The following ULK4 variants were observed in gnomAD, a reference collection of about 807,000 sequenced individuals.
ULK4 encodes unc-51 like kinase 4, also known as inactive serine/threonine-protein kinase ULK4.
In ULK4, 133 loss-of-function variants were observed where a neutral mutation model predicts 160.6. That is an observed-to-expected ratio of 0.83 (90% confidence interval 0.72 to 0.96). ULK4 has a LOEUF of 0.96. ULK4 is among the 40% of genes least tolerant of loss of function. The pLI, the probability that ULK4 is intolerant of heterozygous loss-of-function variation, is 0.00. For synonymous variants in ULK4, 534 were observed against 539.8 expected (o/e 0.99, Z 0.15); for missense variants, 1,580 against 1,499.5 (o/e 1.05, Z -0.89).
At chr3:41,469,065 C>T (rs1559625238) in intron 32 of ULK4, among the ~76,000 whole-genome samples, 1 of 152,172 alleles carries the variant, frequency 6.6e-6, no homozygotes, top group Non-Finnish European at 1.5e-5. Context: ...TAAATCTCTA[C>T]ACAGTCAGCC....
chr3:41,473,050 A>G (rs369883311), intron 32 of ULK4, among the ~76,000 whole-genome samples: 118 of 152,330 alleles, frequency 7.7e-4, no homozygotes, highest in African/African-American at 2.8e-3. Flanking sequence ...ACAAAATTCA[A>G]CATCTTTTCA....
At chr3:41,831,530 TA>T (rs371057346) in intron 18 of ULK4, among the ~76,000 whole-genome samples, 6 of 129,618 alleles carry the variant, frequency 4.6e-5, no homozygotes, top group East Asian at 2.0e-4. Flanking sequence ...TATATATATA[TA>T]TTTTTTTTTC....
At chr3:41,528,507 T>C (rs1372078653) in intron 32 of ULK4, among the ~76,000 whole-genome samples, 9 of 152,178 alleles carry the variant, frequency 5.9e-5, no homozygotes, top group Admixed American at 4.6e-4. Context: ...ACCTGCCGAG[T>C]ACCTAGATGA....
At chr3:41,273,005 GCC>G (rs1344482314) in intron 35 of ULK4, among the ~76,000 whole-genome samples, 1 of 152,074 alleles carries the variant, frequency 6.6e-6, no homozygotes, top group East Asian at 1.9e-4. Context: ...ATCCTTGCCT[GCC>G]CATTCTAATG....
intron 17 of ULK4, among the ~76,000 whole-genome samples, chr3:41,875,564 T>TGA (rs1411880730): frequency 1.3e-5 from 2 of 152,118 alleles, no homozygotes; most frequent in Non-Finnish European, 2.9e-5. Context: ...CCCAAGGTAG[T>TGA]GAGCTATGAT....
At position 41,412,637 on chromosome 3, in the gene ULK4, T is replaced by C. The variant is rs566507113; in HGVS notation, c.3493-14373A>G. 7.0e-4 allele frequency among the ~76,000 whole-genome samples: 104 copies of C among 148,462 alleles called. 1 individual carries two copies. The highest frequency in any genetic ancestry group is 2.6e-3 in the South Asian group (12 of 4,662). ...GTGCAGTGTCGCAATCTCTGCTTAA[T>C]GCAACCTCTGCCTCCCAGGTTCAAG... On this transcript the variant is annotated intron_variant, in intron 34 of 36. Transcript: ENST00000301831.
At chr3:41,517,608 A>G (rs959958947) in intron 32 of ULK4, among the ~76,000 whole-genome samples, 1 of 152,246 alleles carries the variant, frequency 6.6e-6, no homozygotes, top group African/African-American at 2.4e-5. Flanking sequence ...TTATAGCAGC[A>G]GGAACAGTCT....
At chr3:41,718,456 C>A (rs753563081) in intron 22 of ULK4, among the ~76,000 whole-genome samples, 2 of 152,134 alleles carry the variant, frequency 1.3e-5, no homozygotes, top group African/African-American at 2.4e-5. Flanking sequence ...CTGAACCAAC[C>A]ACTTCCAACC....
At chr3:41,946,471 G>A (rs1052812051) in intron 2 of ULK4, among the ~76,000 whole-genome samples, 18 of 152,138 alleles carry the variant, frequency 1.2e-4, no homozygotes, top group African/African-American at 4.3e-4. Flanking sequence ...GACTGCATAC[G>A]TTTGTTAAAA....
rs1212149805 is a variant in ULK4, at chr3:41,736,874, G to T, written c.2321+17487C>A. Among the ~76,000 whole-genome samples, 18 of 151,852 alleles carry T rather than the reference G, an allele frequency of 1.2e-4. No homozygotes were observed. In the East Asian group the frequency reaches 3.5e-3, roughly 29 times the overall value. Reference sequence around the variant, plus strand: ...CATCTTGAATTAATTTTTGTCTAAGGTGTAAGGAAGGGATCCAGTTTCAGC... The same window carrying T: ...CATCTTGAATTAATTTTTGTCTAAGTTGTAAGGAAGGGATCCAGTTTCAGC... On this transcript the variant is annotated intron_variant, in intron 22 of 36. Coordinates refer to ENST00000301831, the MANE Select transcript of ULK4 (RefSeq NM_017886.4).
chr3:41,441,535 A>C (rs1403829779), intron 34 of ULK4, among the ~76,000 whole-genome samples: 1 of 152,106 alleles, frequency 6.6e-6, no homozygotes, highest in Admixed American at 6.5e-5. Flanking sequence ...AAAATATATA[A>C]TATTTACATA....
intron 30 of ULK4, among the ~76,000 whole-genome samples, chr3:41,623,233 C>T (rs531641680): frequency 6.6e-6 from 1 of 152,196 alleles, no homozygotes; most frequent in African/African-American, 2.4e-5. Flanking sequence ...ATTTTAACAT[C>T]TGGCCTCCCA....
At chr3:41,513,862 G>A (rs1013635479) in intron 32 of ULK4, among the ~76,000 whole-genome samples, 1 of 152,118 alleles carries the variant, frequency 6.6e-6, no homozygotes, top group Non-Finnish European at 1.5e-5. Flanking sequence ...CGGGTACAGT[G>A]CACACTGCTT....
chr3:41,626,252 A>G (rs1391207166), intron 30 of ULK4, among the ~76,000 whole-genome samples: 2 of 152,128 alleles, frequency 1.3e-5, no homozygotes, highest in African/African-American at 4.8e-5. Flanking sequence ...CCTAAATGTT[A>G]CCCTTAATGT....
chr3:41,606,862 C>T (rs921599078), intron 31 of ULK4, among the ~76,000 whole-genome samples: 1 of 152,028 alleles, frequency 6.6e-6, no homozygotes, highest in East Asian at 1.9e-4. Context: ...GGACATTAGT[C>T]CCTTGTTGGA....
At chr3:41,723,345 C>T (rs972218667) in intron 22 of ULK4, among the ~76,000 whole-genome samples, 15 of 151,996 alleles carry the variant, frequency 9.9e-5, no homozygotes, top group African/African-American at 3.1e-4. Context: ...ATTATATGGT[C>T]TGGATCTTTT....
At chr3:41,495,227 G>C (rs904686565) in intron 32 of ULK4, among the ~76,000 whole-genome samples, 2 of 152,106 alleles carry the variant, frequency 1.3e-5, no homozygotes, top group African/African-American at 4.8e-5. Flanking sequence ...TACCAAAACA[G>C]AGATATAGAT....
At chr3:41,313,815 C>G (rs527263118) in intron 35 of ULK4, among the ~76,000 whole-genome samples, 1 of 152,106 alleles carries the variant, frequency 6.6e-6, no homozygotes, top group East Asian at 1.9e-4. Flanking sequence ...GAATACAGAC[C>G]GGGCTTAGGG....
At chr3:41,789,939 G>A (rs2040099381) in intron 20 of ULK4, 96 bp from the exon 21 acceptor site, 1 of 1,135,360 alleles carries the variant, frequency 8.8e-7, no homozygotes, top group Non-Finnish European at 1.2e-6. Context: ...GGAGTAGAAG[G>A]TGCTTACTTG....
Sources: gnomAD v4.1 joint callset for allele counts (sites outside exome capture counted in the v4.1 genomes callset) on GRCh38, gnomAD v4.1.1 for gene constraint, MANE v1.5 for transcripts, NCBI Gene and HGNC (gene_info 2026-07-23, HGNC 2026-07-21) for gene names.